The following DLST variants were observed in gnomAD, a reference collection of about 807,000 sequenced individuals.
The protein encoded by DLST is dihydrolipoamide S-succinyltransferase.
In DLST, 17 loss-of-function variants were observed where a neutral mutation model predicts 53.1. The observed-to-expected ratio is 0.32, with a 90% CI of 0.22 to 0.48. The LOEUF is 0.48. Among genes scored for constraint, DLST ranks in the 20% least tolerant of loss-of-function variants. The probability of loss-of-function intolerance (pLI) is 0.99; values close to 1 mark genes in which losing one functional copy is unlikely to be tolerated. For synonymous variants in DLST, 206 were observed against 204.8 expected, an observed-to-expected ratio of 1.01 and a Z score of -0.05; for missense variants, 512 against 583.9, an observed-to-expected ratio of 0.88 and a Z score of 1.27.
Position 74,882,684 on chromosome 14 carries a change from G to A in DLST, c.97+60G>A. 6 of 1,487,184 alleles carry A rather than the reference G, an allele frequency of 4.0e-6. No individual in the cohort carries two copies. In the South Asian group the frequency reaches 5.7e-5, roughly 14 times the overall value. 92.1% of individuals were successfully genotyped at this position (1,487,184 alleles called of 1,614,324 possible). ...TCCTCCTGGGCAGAGCAGTATGTGA[G>A]GAACTCGGGGGTGCCTGTGTTTCTC... On this transcript the variant is annotated intron_variant, in intron 2 of 14. Coordinates refer to ENST00000334220, the MANE Select transcript of DLST (RefSeq NM_001933.5).
At position 74,881,946 on chromosome 14, in the gene DLST, C is replaced by G; in HGVS notation, c.-8C>G. The G allele has an allele frequency of 2.6e-6, 4 of 1,549,654 alleles. No homozygotes were observed. Among genetic ancestry groups the G allele is most frequent in the Non-Finnish European group, 3.5e-6 (4 of 1,154,612 alleles). On this transcript the variant is annotated 5_prime_UTR_variant, in exon 1 of 15. Transcript: ENST00000334220. The stretch of plus-strand genomic sequence containing the variant: ...CGGTGTCCGCCCGCCCTCGGCTCCT[C>G]CGCCGTGATGCTGTCCCGATCCCGC...
At chr14:74,883,646 T>A (rs1244124155) in intron 2 of DLST, among the ~76,000 whole-genome samples, 1 of 152,250 alleles carries the variant, frequency 6.6e-6, no homozygotes, top group African/African-American at 2.4e-5. Flanking sequence ...ATGAGTGCTT[T>A]CTGTGAATTT....
chr14:74,890,053 C>T (rs1005975232), intron 6 of DLST, 101 bp downstream of exon 6: 1 of 823,522 alleles, frequency 1.2e-6, no homozygotes, highest in Non-Finnish European at 1.8e-6. Context: ...TAATTTTTAA[C>T]TAGCTCTAAC....
intron 7 of DLST, 107 bp from the exon 8 acceptor site, chr14:74,892,727 G>A: frequency 1.8e-6 from 2 of 1,107,962 alleles, no homozygotes. Flanking sequence ...CTGATACCCA[G>A]TAGACATTCG....
At chr14:74,897,901 G>C (rs1884119670) in intron 10 of DLST, among the ~76,000 whole-genome samples, 1 of 150,970 alleles carries the variant, frequency 6.6e-6, no homozygotes, top group African/African-American at 2.4e-5. Context: ...AGAGATAGGA[G>C]GAATATCACA....
intron 13 of DLST, among the ~76,000 whole-genome samples, 188 bp from the exon 14 acceptor site, chr14:74,900,878 C>T (rs767425881): frequency 1.3e-5 from 2 of 150,310 alleles, no homozygotes; most frequent in Non-Finnish European, 3.0e-5. Context: ...GTGTGCACCA[C>T]CATGCCTGGC....
In DLST at chr14:74,892,958, G is replaced by T. The variant is rs780059278; in HGVS notation, c.567G>T (p.Ser189=). ...PIPTQMPPVP[S]PSQPPSGKPV... is the part of the protein sequence containing the mutation. ...CCACTCAGATGCCACCGGTGCCCTC[G>T]CCCTCACAGCCTCCTTCTGGCAAAC... Residue 189 remains serine, a synonymous_variant, in exon 8 of 15, where the codon TCG becomes TCT. Transcript: ENST00000334220. 3.1e-6 allele frequency: 5 copies of T among 1,612,414 alleles called. No homozygotes were observed. In the East Asian group the frequency reaches 1.1e-4, roughly 36 times the overall value.
chr14:74,899,889 G>A, intron 11 of DLST, 34 bp from the exon 12 acceptor site: 1 of 1,544,658 alleles, frequency 6.5e-7, no homozygotes, highest in South Asian at 1.1e-5. Context: ...CCTTCCTGGG[G>A]AGTTGTATGT....
chr14:74,889,711 A>G (rs1883836083), intron 5 of DLST, 186 bp from the exon 6 acceptor site: 1 of 598,954 alleles, frequency 1.7e-6, no homozygotes, highest in Non-Finnish European at 2.9e-6. Flanking sequence ...TTTAAGTGCT[A>G]TCTAAAATTC....
At chr14:74,884,667 G>T (rs1032592806) in intron 2 of DLST, among the ~76,000 whole-genome samples, 1 of 152,076 alleles carries the variant, frequency 6.6e-6, no homozygotes, top group Non-Finnish European at 1.5e-5. Flanking sequence ...AGTGTGAGCC[G>T]CCATCTATTC....
intron 2 of DLST, 104 bp from the exon 3 acceptor site, chr14:74,885,482 C>G: frequency 1.7e-6 from 2 of 1,156,032 alleles, no homozygotes; most frequent in Non-Finnish European, 2.6e-6. Flanking sequence ...TGCCGTTGAT[C>G]CTGCTCTGTC....
chr14:74,898,012 T>C (rs1003451952), intron 10 of DLST, among the ~76,000 whole-genome samples: 1 of 152,118 alleles, frequency 6.6e-6, no homozygotes, highest in African/African-American at 2.4e-5. Context: ...GTTTATACTT[T>C]AAAAAATTTT....
At chr14:74,882,453 GGT>G in intron 1 of DLST, 136 bp from the exon 2 acceptor site, 1 of 769,182 alleles carries the variant, frequency 1.3e-6, no homozygotes, top group South Asian at 1.6e-5. Flanking sequence ...CTGCCAGCAC[GGT>G]GTGTTGCATT....
Position 74,900,364 on chromosome 14 carries a change from G to A in DLST, c.1051G>A (p.Gly351Arg). 3 of 1,613,690 alleles carry A rather than the reference G, an allele frequency of 1.9e-6. No homozygotes were observed. The highest frequency in any genetic ancestry group is 2.5e-6 in the Non-Finnish European group (3 of 1,179,688). ...ADIERTITEL[G>R]EKARKNELAI... Reference sequence around the variant, plus strand: ...TATTGAACGGACCATCACTGAACTGGGAGAGAAGGTAAAGTAGAAAGATGT... The same window carrying A: ...TATTGAACGGACCATCACTGAACTGAGAGAGAAGGTAAAGTAGAAAGATGT... The change falls in exon 13 of 15, where the codon GGA becomes AGA. Residue 351 changes from glycine (G) to arginine (R), a missense_variant. Physicochemically the swap from Gly to Arg is moderately radical, Grantham distance 125. This residue lies in a region of DLST where 186 missense variants were observed against 260.4 expected (regional missense o/e 0.71). Coordinates refer to ENST00000334220, the MANE Select transcript of DLST (RefSeq NM_001933.5).
At chr14:74,901,465 G>A (rs758894253) in intron 14 of DLST, among the ~76,000 whole-genome samples, 42 of 152,196 alleles carry the variant, frequency 2.8e-4, no homozygotes, top group Non-Finnish European at 5.6e-4. Flanking sequence ...AAGTGCAGAT[G>A]ATCCTGATGC....
At chr14:74,893,254 A>G in intron 8 of DLST, 94 bp from the exon 9 acceptor site, 2 of 1,388,236 alleles carry the variant, frequency 1.4e-6, no homozygotes, top group Admixed American at 3.5e-5. Context: ...AATATCTTGA[A>G]GATTAAGTAA....
intron 1 of DLST, 53 bp from the exon 2 acceptor site, chr14:74,882,538 C>A: frequency 6.9e-6 from 11 of 1,594,498 alleles, no homozygotes; most frequent in Non-Finnish European, 8.6e-6. Flanking sequence ...AAAGAAAAAG[C>A]TGGGTTTTTT....
chr14:74,882,040 C>G, intron 1 of DLST, 24 bp downstream of exon 1: 1 of 1,531,940 alleles, frequency 6.5e-7, no homozygotes, highest in East Asian at 2.6e-5. Context: ...GAGCCGGGGC[C>G]CCGACGGGTG....
intron 3 of DLST, among the ~76,000 whole-genome samples, chr14:74,888,224 C>G (rs1238984039): frequency 6.6e-6 from 1 of 151,394 alleles, no homozygotes; most frequent in Non-Finnish European, 1.5e-5. Context: ...AGCAAGAGAA[C>G]CGAGTAGGAG....
Sources: gnomAD v4.1 joint callset for allele counts (sites outside exome capture counted in the v4.1 genomes callset) on GRCh38, gnomAD v4.1.1 for gene constraint, gnomAD v4.1.1 regional missense constraint, MANE v1.5 for transcripts, NCBI Gene and HGNC (gene_info 2026-07-23, HGNC 2026-07-21) for gene names.